The following UNC5D variants were observed in gnomAD, a reference collection of about 807,000 sequenced individuals.
UNC5D encodes netrin receptor UNC5D.
UNC5D carries 39 observed loss-of-function variants against 105.4 expected under a neutral mutation model. The observed-to-expected ratio is 0.37, with a 90% CI of 0.29 to 0.48. The LOEUF (loss-of-function observed/expected upper bound fraction) is 0.48, where lower values mean the gene tolerates loss of function less well. Ranked by LOEUF, UNC5D falls within the 20% of genes least tolerant of loss-of-function variation. UNC5D has a pLI of 0.98. For synonymous variants in UNC5D, 452 were observed against 450.4 expected (o/e 1.00, Z -0.04); for missense variants, 991 against 1,202.4 (o/e 0.82, Z 2.60).
At chr8:35,461,324 C>G (rs1052673495) in intron 1 of UNC5D, among the ~76,000 whole-genome samples, 1 of 152,116 alleles carries the variant, frequency 6.6e-6, no homozygotes, top group African/African-American at 2.4e-5. Flanking sequence ...GGCTTTATAT[C>G]TTACGTGTCT....
At chr8:35,334,842 T>C (rs1810901534) in intron 1 of UNC5D, among the ~76,000 whole-genome samples, 1 of 152,082 alleles carries the variant, frequency 6.6e-6, no homozygotes, top group Non-Finnish European at 1.5e-5. Flanking sequence ...AACTGCCTGG[T>C]TTGATGAATT....
chr8:35,752,274 T>C (rs980797721), intron 13 of UNC5D, among the ~76,000 whole-genome samples: 2 of 152,202 alleles, frequency 1.3e-5, no homozygotes, highest in African/African-American at 4.8e-5. Flanking sequence ...AGCATAGCTC[T>C]CCTGACACAC....
At chr8:35,718,458 A>G (rs996098633) in intron 8 of UNC5D, among the ~76,000 whole-genome samples, 3 of 152,100 alleles carry the variant, frequency 2.0e-5, no homozygotes, top group African/African-American at 7.2e-5. Context: ...TCAACCTAAG[A>G]CTGTGGTTTC....
chr8:35,707,605 A>T (rs1323804605), intron 8 of UNC5D, among the ~76,000 whole-genome samples: 1 of 152,214 alleles, frequency 6.6e-6, no homozygotes, highest in African/African-American at 2.4e-5. Context: ...CACATGGTGC[A>T]TGCTGTCCAC....
intron 1 of UNC5D, among the ~76,000 whole-genome samples, chr8:35,527,743 A>T (rs545450993): frequency 2.0e-5 from 3 of 151,990 alleles, no homozygotes; most frequent in African/African-American, 7.2e-5. Context: ...GGATTTCACC[A>T]TATTGGCCAG....
intron 3 of UNC5D, among the ~76,000 whole-genome samples, chr8:35,576,722 C>T (rs560215374): frequency 6.6e-6 from 1 of 152,266 alleles, no homozygotes; most frequent in South Asian, 2.1e-4. Context: ...ATGCCATTCT[C>T]CTGCCTCAGC....
At chr8:35,758,509 C>T (rs1432779367) in intron 13 of UNC5D, among the ~76,000 whole-genome samples, 1 of 152,154 alleles carries the variant, frequency 6.6e-6, no homozygotes, top group East Asian at 1.9e-4. Context: ...GCCTCAACCC[C>T]GCACAATCAT....
chr8:35,235,821 G>A lies in UNC5D; in HGVS notation c.37G>A (p.Gly13Arg). ...RAAATAGGGGGARRWLPWLGL... is the reference protein window; with the variant it reads ...RAAATAGGGGRARRWLPWLGL... ...GGCGGCCACCGCAGGCGGCGGCGGA[G>A]GGGCGCGCCGCTGGCTCCCGTGGCT... Residue 13 changes from glycine (G) to arginine (R), a missense_variant, in exon 1 of 17, where the codon GGG (glycine) becomes AGG (arginine). Around this residue, in one of 3 missense-constraint regions of UNC5D, gnomAD observed 944 missense variants for 1,131.6 expected, o/e 0.83. Coordinates refer to ENST00000404895, the MANE Select transcript of UNC5D (RefSeq NM_080872.4). 8.1e-7 allele frequency: 1 copy of A among 1,230,236 alleles called. No homozygotes were observed. Among genetic ancestry groups the A allele is most frequent in the Non-Finnish European group, 1.0e-6 (1 of 986,638 alleles). 76.2% of individuals were successfully genotyped at this position (1,230,236 alleles called of 1,614,324 possible). A position where few individuals can be genotyped will look rare whatever the true frequency, so the allele number is the denominator to read the frequency against.
At chr8:35,443,166 G>A (rs894149830) in intron 1 of UNC5D, among the ~76,000 whole-genome samples, 1 of 151,728 alleles carries the variant, frequency 6.6e-6, no homozygotes, top group Non-Finnish European at 1.5e-5. Context: ...CCAAGTAACC[G>A]TATTTAATGT....
chr8:35,511,345 A>G (rs1812684429), intron 1 of UNC5D, among the ~76,000 whole-genome samples: 1 of 152,048 alleles, frequency 6.6e-6, no homozygotes, highest in African/African-American at 2.4e-5. Flanking sequence ...TTAGGTCTTA[A>G]TTTTTATAGC....
chr8:35,260,501 C>T lies in UNC5D; in HGVS notation c.103+24614C>T, dbSNP rs577408835. Among the ~76,000 whole-genome samples, 8 of 152,240 alleles carry T rather than the reference C, an allele frequency of 5.3e-5. No homozygotes were observed. The South Asian group carries it at 1.0e-3, about 20-fold the overall frequency. The stretch of plus-strand genomic sequence containing the variant: ...GTTGTTGTTGTTTGAGATGGAGTCT[C>T]GCTCTATCACCCAGGCTGGAGTGCA... On this transcript the variant is annotated intron_variant, in intron 1 of 16. Coordinates refer to ENST00000404895, the MANE Select transcript of UNC5D (RefSeq NM_080872.4).
intron 12 of UNC5D, 81 bp downstream of exon 12, chr8:35,748,776 C>T (rs1830123723): frequency 6.9e-7 from 1 of 1,448,590 alleles, no homozygotes; most frequent in Admixed American, 2.2e-5. Flanking sequence ...CATCTAACAC[C>T]ACAAATCAGC....
At chr8:35,302,078 G>C (rs1462378731) in intron 1 of UNC5D, among the ~76,000 whole-genome samples, 1 of 152,144 alleles carries the variant, frequency 6.6e-6, no homozygotes, top group Non-Finnish European at 1.5e-5. Context: ...GGGATTAGAG[G>C]TGCTGGGGGA....
intron 1 of UNC5D, among the ~76,000 whole-genome samples, chr8:35,271,682 TGTATACATG>T (rs1805367084): frequency 1.1e-4 from 1 of 9,440 alleles, no homozygotes; most frequent in South Asian, 0.011. Flanking sequence ...TACATATATA[TGTATACATG>T]TATACATGTA....
chr8:35,443,174 T>G (rs1031245034), intron 1 of UNC5D, among the ~76,000 whole-genome samples: 2 of 151,880 alleles, frequency 1.3e-5, no homozygotes, highest in Non-Finnish European at 2.9e-5. Flanking sequence ...CCGTATTTAA[T>G]GTACTAAGAA....
At chr8:35,653,586 G>GTT (rs1563634340) in intron 4 of UNC5D, among the ~76,000 whole-genome samples, 1 of 151,990 alleles carries the variant, frequency 6.6e-6, no homozygotes, top group East Asian at 1.9e-4. Flanking sequence ...ACAATCTTTT[G>GTT]TTTCTTTGTC....
chr8:35,291,753 T>C (rs1807083230), intron 1 of UNC5D, among the ~76,000 whole-genome samples: 1 of 152,172 alleles, frequency 6.6e-6, no homozygotes, highest in South Asian at 2.1e-4. Context: ...ATTTCTCTCT[T>C]TTGTAGTTGA....
intron 1 of UNC5D, among the ~76,000 whole-genome samples, chr8:35,337,937 T>A (rs1811172633): frequency 6.6e-6 from 1 of 152,264 alleles, no homozygotes; most frequent in Non-Finnish European, 1.5e-5. Flanking sequence ...AAAAATTTAA[T>A]TTGCCTTTTG....
chr8:35,242,874 C>G (rs1162587244), intron 1 of UNC5D, among the ~76,000 whole-genome samples: 1 of 152,126 alleles, frequency 6.6e-6, no homozygotes, highest in Non-Finnish European at 1.5e-5. Context: ...TCATTGGTGT[C>G]TTCTGTTAGC....
Sources: allele counts gnomAD v4.1 joint callset (sites outside exome capture counted in the v4.1 genomes callset), GRCh38; gene constraint gnomAD v4.1.1; regional missense constraint gnomAD v4.1.1; transcripts MANE v1.5; gene names NCBI Gene and HGNC (gene_info 2026-07-23, HGNC 2026-07-21).